Variants in ITPR2 observed in about 807,000 individuals in gnomAD.
The protein encoded by ITPR2 is inositol 1,4,5-trisphosphate receptor type 2.
Under a neutral mutation model 317.1 loss-of-function variants are expected in ITPR2, and 207 were observed. The observed-to-expected ratio is 0.65, with a 90% CI of 0.58 to 0.73. The LOEUF (loss-of-function observed/expected upper bound fraction) is 0.73. Among genes scored for constraint, ITPR2 ranks in the 30% least tolerant of loss-of-function variants. The pLI is 0.00. For synonymous variants in ITPR2, 1,156 were observed against 1,149.1 expected (o/e 1.01, Z -0.12); for missense variants, 2,613 against 3,284.0 (o/e 0.80, Z 4.99).
At position 26,679,596 on chromosome 12, in the gene ITPR2, C is replaced by T. The variant is rs888439744; in HGVS notation, c.1409+2278G>A. On this transcript the variant is annotated intron_variant, in intron 13 of 56. Coordinates refer to ENST00000381340, the MANE Select transcript of ITPR2 (RefSeq NM_002223.4). ...GTTCTTCTAATTGCTTAAACACCCC[C>T]AAAGAAATGGAGTTTGTTTTTGCTT... Among the ~76,000 whole-genome samples the T allele has an allele frequency of 5.9e-5, 9 of 152,146 alleles. No individual in the cohort carries two copies. In the East Asian group the frequency reaches 1.7e-3, roughly 29 times the overall value.
intron 55 of ITPR2, among the ~76,000 whole-genome samples, chr12:26,362,126 A>C (rs1938850246): frequency 6.6e-6 from 1 of 152,180 alleles, no homozygotes; most frequent in African/African-American, 2.4e-5. Context: ...AGGGTGCTGT[A>C]TTCCCAGGCT....
At chr12:26,826,579 TCTGA>T (rs563844584) in intron 1 of ITPR2, among the ~76,000 whole-genome samples, 28 of 152,240 alleles carry the variant, frequency 1.8e-4, no homozygotes, top group African/African-American at 5.5e-4. Context: ...CCTCTGTCAC[TCTGA>T]CTAAGAGACT....
chr12:26,339,506 T>C (rs1157785110), intron 56 of ITPR2, 23 bp from the exon 57 acceptor site: 2 of 1,603,198 alleles, frequency 1.2e-6, no homozygotes, highest in Admixed American at 1.7e-5. Flanking sequence ...AGAGAGTGTG[T>C]GTTCAGCGGA....
chr12:26,416,893 C>T (rs1164616634), intron 50 of ITPR2, among the ~76,000 whole-genome samples: 6 of 152,088 alleles, frequency 3.9e-5, no homozygotes, highest in African/African-American at 1.4e-4. Flanking sequence ...TAGGTCAGCT[C>T]TAGAGAACGT....
intron 26 of ITPR2, among the ~76,000 whole-genome samples, chr12:26,616,738 A>G (rs1232265623): frequency 1.3e-5 from 2 of 152,128 alleles, no homozygotes; most frequent in East Asian, 3.8e-4. Context: ...CTTGAACAAC[A>G]TGAATTTGAA....
chr12:26,408,238 A>G (rs951791079), intron 52 of ITPR2, among the ~76,000 whole-genome samples: 1 of 152,244 alleles, frequency 6.6e-6, no homozygotes, highest in Non-Finnish European at 1.5e-5. Context: ...GTAGAGGCTC[A>G]ACAAATATAA....
intron 37 of ITPR2, among the ~76,000 whole-genome samples, chr12:26,531,122 A>G (rs1419779401): frequency 6.6e-6 from 1 of 152,226 alleles, no homozygotes; most frequent in Admixed American, 6.5e-5. Flanking sequence ...GAACCAAGCA[A>G]GTCCATTTCT....
At chr12:26,485,019 T>C (rs544804106) in intron 41 of ITPR2, among the ~76,000 whole-genome samples, 1 of 147,198 alleles carries the variant, frequency 6.8e-6, no homozygotes, top group African/African-American at 2.7e-5. Context: ...CCGGCCGGAA[T>C]ACCATAGAAT....
intron 2 of ITPR2, among the ~76,000 whole-genome samples, chr12:26,786,657 A>G (rs956637971): frequency 1.3e-5 from 2 of 152,222 alleles, no homozygotes; most frequent in Non-Finnish European, 2.9e-5. Context: ...GTAATGAGAC[A>G]CAGTCAAAAG....
At chr12:26,522,842 G>T (rs565561694) in intron 37 of ITPR2, among the ~76,000 whole-genome samples, 1 of 146,172 alleles carries the variant, frequency 6.8e-6, no homozygotes, top group African/African-American at 2.7e-5. Flanking sequence ...CTTCCACGGC[G>T]GGGGGGGAAC....
chr12:26,478,480 G>C (rs1479627222), intron 43 of ITPR2, among the ~76,000 whole-genome samples: 1 of 152,062 alleles, frequency 6.6e-6, no homozygotes, highest in Non-Finnish European at 1.5e-5. Context: ...TGGCAACACT[G>C]ACAGTGCTAT....
chr12:26,565,801 G>A (rs567623098), intron 34 of ITPR2, among the ~76,000 whole-genome samples: 9 of 145,508 alleles, frequency 6.2e-5, no homozygotes, highest in Non-Finnish European at 4.5e-5. Context: ...GCAAAACCCT[G>A]TCTCTAAAAA....
intron 2 of ITPR2, among the ~76,000 whole-genome samples, chr12:26,738,353 G>T (rs995327566): frequency 6.6e-6 from 1 of 152,154 alleles, no homozygotes; most frequent in African/African-American, 2.4e-5. Flanking sequence ...GGGAGGAAAG[G>T]TAGGACTTCC....
At chr12:26,507,863 C>CTGTGTGTGTGTGTGTG (rs1555144092) in intron 37 of ITPR2, among the ~76,000 whole-genome samples, 36 of 132,276 alleles carry the variant, frequency 2.7e-4, no homozygotes, top group African/African-American at 9.7e-4. Flanking sequence ...CTCTCTGTCT[C>CTGTGTGTGTGTGTGTG]TGTGTGTGTG....
Position 26,339,501 on chromosome 12 carries a change from G to A in ITPR2, c.8020-18C>T. On this transcript the variant is annotated intron_variant, in intron 56 of 56. Transcript: ENST00000381340. ...TCTGTCATCTGGGGGAAAAGAGAGAGTGTGTGTTCAGCGGATTTTCTCACT... is the reference window on the plus strand; with the variant it reads ...TCTGTCATCTGGGGGAAAAGAGAGAATGTGTGTTCAGCGGATTTTCTCACT... 1.9e-6 allele frequency: 3 copies of A among 1,607,622 alleles called. No homozygotes were observed. Among genetic ancestry groups the A allele is most frequent in the African/African-American group, 2.7e-5 (2 of 74,888 alleles).
intron 26 of ITPR2, among the ~76,000 whole-genome samples, chr12:26,617,751 A>T (rs1194296808): frequency 1.1e-5 from 1 of 89,020 alleles, no homozygotes. Context: ...AAGGAAGGAC[A>T]GAAGGAGGGA....
At chr12:26,444,451 G>A (rs1252856650) in intron 45 of ITPR2, among the ~76,000 whole-genome samples, 3 of 151,916 alleles carry the variant, frequency 2.0e-5, no homozygotes, top group Non-Finnish European at 4.4e-5. Context: ...CTCTACCACA[G>A]AACTCTTTCA....
intron 46 of ITPR2, among the ~76,000 whole-genome samples, chr12:26,440,757 T>C (rs1199462017): frequency 8.1e-6 from 1 of 124,052 alleles, no homozygotes. Flanking sequence ...GTGTCAAATA[T>C]TTTTAAAAAA....
chr12:26,711,918 C>G (rs1028747357), intron 8 of ITPR2, among the ~76,000 whole-genome samples: 1 of 152,190 alleles, frequency 6.6e-6, no homozygotes, highest in African/African-American at 2.4e-5. Context: ...ATTCTTAGCC[C>G]TTTCCATGCA....
Sources: gnomAD v4.1 joint callset for allele counts (sites outside exome capture counted in the v4.1 genomes callset) on GRCh38, gnomAD v4.1.1 for gene constraint, MANE v1.5 for transcripts, NCBI Gene and HGNC (gene_info 2026-07-23, HGNC 2026-07-21) for gene names.